RPS6KA2: variants seen among roughly 807,000 people sequenced by gnomAD.
RPS6KA2 encodes the protein ribosomal protein S6 kinase A2, also known as ribosomal protein S6 kinase alpha-2.
RPS6KA2 carries 42 observed loss-of-function variants against 91.8 expected under a neutral mutation model. The observed-to-expected ratio is 0.46, with a 90% CI of 0.36 to 0.59. The LOEUF is 0.59. RPS6KA2 is among the 20% of genes least tolerant of loss of function. RPS6KA2 has a pLI of 0.00. For synonymous variants in RPS6KA2, 414 were observed against 393.6 expected (o/e 1.05, Z -0.61); for missense variants, 798 against 978.5 (o/e 0.82, Z 2.46).
chr6:166,570,613 A>T (rs1356323575), intron 1 of RPS6KA2, among the ~76,000 whole-genome samples: 1 of 152,218 alleles, frequency 6.6e-6, no homozygotes, highest in Non-Finnish European at 1.5e-5. Context: ...AACTAAAATA[A>T]ATACAGCAGA....
At chr6:166,755,816 A>C (rs1017907612) in intron 2 of RPS6KA2, among the ~76,000 whole-genome samples, 2 of 152,218 alleles carry the variant, frequency 1.3e-5, no homozygotes, top group Non-Finnish European at 2.9e-5. Flanking sequence ...TGAGAAGCTG[A>C]TGTCAAGATG....
At chr6:166,568,701 C>T (rs1220318705) in intron 1 of RPS6KA2, among the ~76,000 whole-genome samples, 1 of 107,428 alleles carries the variant, frequency 9.3e-6, no homozygotes, top group African/African-American at 3.5e-5. Flanking sequence ...GGGGCTGAAA[C>T]ACATAAGACT....
chr6:166,470,069 C>A (rs1473979605), intron 10 of RPS6KA2, among the ~76,000 whole-genome samples, 164 bp from the exon 11 acceptor site: 1 of 152,188 alleles, frequency 6.6e-6, no homozygotes, highest in African/African-American at 2.4e-5. Flanking sequence ...CCTGCCGATG[C>A]CCCCAGCTCA....
intron 2 of RPS6KA2, among the ~76,000 whole-genome samples, chr6:166,839,189 G>A (rs1273033340): frequency 7.9e-5 from 12 of 152,166 alleles, no homozygotes; most frequent in Non-Finnish European, 1.5e-4. Flanking sequence ...TGGGGGACCC[G>A]CGCGTAAGTC....
At position 166,733,524 on chromosome 6, in the gene RPS6KA2, G is replaced by A. The variant is rs576620873; in HGVS notation, c.123+124676C>T. 4.6e-5 allele frequency among the ~76,000 whole-genome samples: 7 copies of A among 152,242 alleles called. No individual in the cohort carries two copies. In the South Asian group the frequency reaches 8.3e-4, roughly 18 times the overall value. On this transcript the variant is annotated intron_variant, in intron 2 of 21. Coordinates refer to the RPS6KA2 transcript ENST00000503859. The surrounding 1 kb of genome is among the most constrained non-coding windows in gnomAD (Gnocchi z 4.1). ...TGACCTTTCTGATCTTTCCTCATTCGGATCTTATATTCCTTCTTCTCATCT... is the reference window on the plus strand; with the variant it reads ...TGACCTTTCTGATCTTTCCTCATTCAGATCTTATATTCCTTCTTCTCATCT...
chr6:166,604,061 T>A lies in RPS6KA2; in HGVS notation c.99+22860A>T, dbSNP rs143412488. ...GAAGTAAAAATAAAATTAAGAAGAG[T>A]TCCATCCTGATTAACCCTCCATGGA... is the stretch of plus-strand genomic sequence containing the variant. On this transcript the variant is annotated intron_variant, in intron 1 of 20. Transcript: ENST00000265678. Among the ~76,000 whole-genome samples the A allele has an allele frequency of 1.9e-3, 296 of 151,964 alleles. 3 individuals carry two copies. Among genetic ancestry groups the A allele is most frequent in the African/African-American group, 6.7e-3 (276 of 41,438 alleles).
intron 2 of RPS6KA2, among the ~76,000 whole-genome samples, chr6:166,854,245 G>A (rs1004564819): frequency 6.6e-6 from 1 of 152,176 alleles, no homozygotes; most frequent in Admixed American, 6.5e-5. Context: ...CAGACATCTT[G>A]TCTTACACCC....
chr6:166,676,136 A>T (rs1480075782), intron 2 of RPS6KA2, among the ~76,000 whole-genome samples: 1 of 152,022 alleles, frequency 6.6e-6, no homozygotes, highest in East Asian at 1.9e-4. Context: ...GGCCAACATG[A>T]TGAAACCTTG....
chr6:166,443,187 C>T (rs1382311776), intron 14 of RPS6KA2, among the ~76,000 whole-genome samples: 1 of 152,020 alleles, frequency 6.6e-6, no homozygotes, highest in Non-Finnish European at 1.5e-5. Flanking sequence ...AGAGAAAATA[C>T]ATTTAGTGTA....
intron 2 of RPS6KA2, among the ~76,000 whole-genome samples, chr6:166,718,499 A>T (rs557245658): frequency 2.0e-5 from 3 of 152,252 alleles, no homozygotes. Flanking sequence ...TTGTAAGGCC[A>T]TATCAAAATC....
intron 2 of RPS6KA2, among the ~76,000 whole-genome samples, chr6:166,681,695 CCCCCCCG>C (rs1280713153): frequency 1.2e-4 from 9 of 72,826 alleles, no homozygotes; most frequent in Non-Finnish European, 1.9e-4. Flanking sequence ...TGCCCGCCCC[CCCCCCCG>C]CCCCCGCCCA....
At chr6:166,542,430 A>G (rs1183171033) in intron 1 of RPS6KA2, 1 of 152,288 alleles carries the variant, frequency 6.6e-6, no homozygotes, top group East Asian at 1.9e-4. Flanking sequence ...TGTGGTTTCC[A>G]GCACAGCTAC....
At position 166,627,148 on chromosome 6, in the gene RPS6KA2, G is replaced by A. The variant is rs1786917735; in HGVS notation, c.-129C>T. 8.9e-7 allele frequency: 1 copy of A among 1,118,190 alleles called. No individual in the cohort carries two copies. The highest frequency in any genetic ancestry group is 1.1e-6 in the Non-Finnish European group (1 of 915,940). The allele number at this position is 1,118,190 out of a possible 1,614,324, so 69.3% of individuals were successfully genotyped here. On this transcript the variant is annotated 5_prime_UTR_variant, in exon 1 of 21. Coordinates refer to ENST00000265678, the MANE Select transcript of RPS6KA2 (RefSeq NM_021135.6). The stretch of plus-strand genomic sequence containing the variant: ...GCCCGGCACGGCGGCCATGGGCGCG[G>A]GGCGTGGGGCGCGAGCTGCGGTCAC...
In RPS6KA2 at chr6:166,452,908, G is replaced by T. The variant is rs189835686; in HGVS notation, c.1076-1675C>A. On this transcript the variant is annotated intron_variant, in intron 12 of 20. Coordinates refer to ENST00000265678, the MANE Select transcript of RPS6KA2 (RefSeq NM_021135.6). ...ATGGGTCTAGCGAAAGACTTCGAAA[G>T]TCTTTTAAGGGCTGGGTGCAGTGGC... Among the ~76,000 whole-genome samples, 59 of 152,248 alleles carry T rather than the reference G, an allele frequency of 3.9e-4. 1 individual carries two copies. In the East Asian group the frequency reaches 6.2e-3, roughly 16 times the overall value.
chr6:166,488,400 T>G (rs2128473065), intron 10 of RPS6KA2, among the ~76,000 whole-genome samples: 1 of 152,282 alleles, frequency 6.6e-6, no homozygotes, highest in Non-Finnish European at 1.5e-5. Flanking sequence ...CAATACGCTG[T>G]CACATACACG....
intron 2 of RPS6KA2, among the ~76,000 whole-genome samples, chr6:166,632,928 C>A (rs1787126437): frequency 6.6e-6 from 1 of 152,032 alleles, no homozygotes; most frequent in Non-Finnish European, 1.5e-5. Context: ...CGTGAAATAC[C>A]TCGGGGCCGG....
intron 2 of RPS6KA2, among the ~76,000 whole-genome samples, chr6:166,536,231 C>T (rs1783473746): frequency 6.6e-6 from 1 of 152,266 alleles, no homozygotes. Flanking sequence ...TCCAGATTCA[C>T]ACCAGGTCTT....
At chr6:166,543,269 T>G (rs1013641871) in intron 1 of RPS6KA2, among the ~76,000 whole-genome samples, 2 of 152,210 alleles carry the variant, frequency 1.3e-5, no homozygotes, top group Admixed American at 1.3e-4. Context: ...AGGAACAGTA[T>G]CGTGTCCTGG....
chr6:166,614,928 A>G (rs115706645), intron 1 of RPS6KA2, among the ~76,000 whole-genome samples: 263 of 152,142 alleles, frequency 1.7e-3, no homozygotes, highest in African/African-American at 6.1e-3. Context: ...TACAAAGCCC[A>G]TTTTGCCACA....
Sources: gnomAD v4.1 joint callset for allele counts (sites outside exome capture counted in the v4.1 genomes callset) on GRCh38, gnomAD v4.1.1 for gene constraint, Gnocchi (gnomAD v3.1) non-coding constraint, MANE v1.5 for transcripts, NCBI Gene and HGNC (gene_info 2026-07-23, HGNC 2026-07-21) for gene names.